The following GALNT13 variants were observed in gnomAD, a reference collection of about 807,000 sequenced individuals.
GALNT13 encodes the protein polypeptide N-acetylgalactosaminyltransferase 13.
Under a neutral mutation model 64.2 loss-of-function variants are expected in GALNT13, and 28 were observed. The ratio of observed to expected loss-of-function variants is 0.44; its 90% CI spans 0.32 to 0.60. GALNT13 has a LOEUF of 0.60. Ranked by LOEUF, GALNT13 falls within the 20% of genes least tolerant of loss-of-function variation. GALNT13 has a pLI of 0.05. For synonymous variants in GALNT13, 214 were observed against 224.6 expected, an observed-to-expected ratio of 0.95 and a Z score of 0.42; for missense variants, 577 against 669.8, an observed-to-expected ratio of 0.86 and a Z score of 1.53.
At chr2:153,422,273 C>T in the GALNT13 span, among the ~76,000 whole-genome samples, 1,521 of 152,128 alleles carry the variant, frequency 1.0e-2, 31 homozygotes, top group African/African-American at 0.035. Flanking sequence ...TTCCAGTTTA[C>T]ACAGGCAGAA....
chr2:154,031,938 A>G (rs953575300), intron 3 of GALNT13, among the ~76,000 whole-genome samples: 2 of 152,014 alleles, frequency 1.3e-5, no homozygotes, highest in African/African-American at 4.8e-5. Flanking sequence ...TTATATTTAT[A>G]TAACAGTCTA....
chr2:153,468,428 C>A, the GALNT13 span, among the ~76,000 whole-genome samples: 18,539 of 152,026 alleles, frequency 0.12, 1,197 homozygotes, highest in Middle Eastern at 0.22. Flanking sequence ...TCTCTATACA[C>A]CACTACTGAG....
chr2:153,776,988 G>A, the GALNT13 span, among the ~76,000 whole-genome samples: 3 of 152,140 alleles, frequency 2.0e-5, no homozygotes, highest in Admixed American at 6.5e-5. Flanking sequence ...TTTAAGGCTC[G>A]TTCTGGATGA....
chr2:153,249,080 A>G, the GALNT13 span, among the ~76,000 whole-genome samples: 1 of 152,212 alleles, frequency 6.6e-6, no homozygotes, highest in African/African-American at 2.4e-5. Flanking sequence ...GAAAGAGAGA[A>G]AGTTAAATTA....
At chr2:153,163,303 CTG>C in the GALNT13 span, among the ~76,000 whole-genome samples, 1 of 152,156 alleles carries the variant, frequency 6.6e-6, no homozygotes, top group Non-Finnish European at 1.5e-5. Context: ...GGAGCCCAAA[CTG>C]AGGTGGGTTT....
At chr2:153,932,470 T>A (rs1225140384) in intron 2 of GALNT13, among the ~76,000 whole-genome samples, 2 of 152,018 alleles carry the variant, frequency 1.3e-5, no homozygotes. Context: ...GATTCTGGCA[T>A]GTTACTTCTT....
At chr2:153,413,692 T>C in the GALNT13 span, among the ~76,000 whole-genome samples, 3 of 152,112 alleles carry the variant, frequency 2.0e-5, no homozygotes, top group African/African-American at 7.2e-5. Flanking sequence ...TGTTGAAAAA[T>C]TGGGTAAGCA....
At chr2:154,208,792 AC>A (rs1382363325) in intron 4 of GALNT13, among the ~76,000 whole-genome samples, 1 of 152,062 alleles carries the variant, frequency 6.6e-6, no homozygotes, top group Non-Finnish European at 1.5e-5. Flanking sequence ...TACTTCAGCT[AC>A]CCAATCTCTG....
chr2:153,885,463 G>T (rs1881206), intron 1 of GALNT13, among the ~76,000 whole-genome samples: 117,169 of 151,744 alleles, frequency 0.77, 45,632 homozygotes, highest in East Asian at 0.96. Context: ...CAGCTTAATG[G>T]TTTTTTTTGC....
intron 9 of GALNT13, among the ~76,000 whole-genome samples, chr2:154,358,001 A>G (rs1696846442): frequency 6.6e-6 from 1 of 152,084 alleles, no homozygotes; most frequent in Non-Finnish European, 1.5e-5. Flanking sequence ...CAATTTGTGT[A>G]TATCTGAGCT....
the GALNT13 span, among the ~76,000 whole-genome samples, chr2:153,235,566 G>A: frequency 2.0e-5 from 3 of 152,010 alleles, no homozygotes; most frequent in Admixed American, 2.0e-4. Flanking sequence ...TCCACCCAGG[G>A]GCATCTTTTT....
the GALNT13 span, among the ~76,000 whole-genome samples, chr2:153,133,758 A>G: frequency 6.6e-6 from 1 of 151,012 alleles, no homozygotes; most frequent in Non-Finnish European, 1.5e-5. Flanking sequence ...AAATGTCATC[A>G]AGTCTGACAA....
intron 9 of GALNT13, among the ~76,000 whole-genome samples, chr2:154,353,775 T>G (rs1216017814): frequency 6.6e-6 from 1 of 152,156 alleles, no homozygotes; most frequent in Non-Finnish European, 1.5e-5. Flanking sequence ...AATATTCCAT[T>G]GTGTAGGATG....
Position 154,209,124 on chromosome 2 carries a change from AG to A in GALNT13, c.312-32904del, listed in dbSNP as rs1442494324. 3.3e-5 allele frequency among the ~76,000 whole-genome samples: 5 copies of A among 152,236 alleles called. No individual in the cohort carries two copies. In the South Asian group the frequency reaches 1.0e-3, roughly 31 times the overall value. ...AGAATTATATTTTTCTTAAAAAAAAAGGTGTTTGTTAAAGTTCAGGGAAAAA... is the reference window on the plus strand; with the variant it reads ...AGAATTATATTTTTCTTAAAAAAAAAGTGTTTGTTAAAGTTCAGGGAAAAA... On this transcript the variant is annotated intron_variant, in intron 4 of 12. Coordinates refer to ENST00000392825, the MANE Select transcript of GALNT13 (RefSeq NM_052917.4).
chr2:153,450,362 T>C, the GALNT13 span, among the ~76,000 whole-genome samples: 1 of 152,196 alleles, frequency 6.6e-6, no homozygotes, highest in Non-Finnish European at 1.5e-5. Flanking sequence ...TTAGTTTTTG[T>C]TATAAATATT....
intron 3 of GALNT13, among the ~76,000 whole-genome samples, chr2:154,048,313 T>C (rs1187561810): frequency 6.6e-6 from 1 of 152,190 alleles, no homozygotes; most frequent in Non-Finnish European, 1.5e-5. Context: ...ATTACAATTC[T>C]GTATGAGACT....
At chr2:154,247,703 A>G (rs892197040) in intron 7 of GALNT13, among the ~76,000 whole-genome samples, 4 of 152,080 alleles carry the variant, frequency 2.6e-5, no homozygotes, top group Non-Finnish European at 5.9e-5. Flanking sequence ...TATTTTAACC[A>G]TAATTTATGT....
chr2:153,701,512 A>G, the GALNT13 span, among the ~76,000 whole-genome samples: 1 of 152,248 alleles, frequency 6.6e-6, no homozygotes, highest in Non-Finnish European at 1.5e-5. Context: ...AATAAACTAA[A>G]GAGCTTCTGC....
At chr2:153,163,393 CT>C in the GALNT13 span, among the ~76,000 whole-genome samples, 1 of 152,194 alleles carries the variant, frequency 6.6e-6, no homozygotes, top group East Asian at 1.9e-4. Context: ...AGTTTCAGGA[CT>C]GCGTTATACT....
Sources: gnomAD v4.1 joint callset for allele counts (sites outside exome capture counted in the v4.1 genomes callset) on GRCh38, gnomAD v4.1.1 for gene constraint, MANE v1.5 for transcripts, NCBI Gene and HGNC (gene_info 2026-07-23, HGNC 2026-07-21) for gene names.